Variants in UACA observed in about 807,000 individuals in gnomAD.
UACA encodes uveal autoantigen with coiled-coil domains and ankyrin repeats, also known as nuclear membrane binding protein.
Under a neutral mutation model 160.5 loss-of-function variants are expected in UACA, and 112 were observed. That is an observed-to-expected ratio of 0.70 (90% CI 0.60 to 0.82). The LOEUF (loss-of-function observed/expected upper bound fraction) is 0.82, where lower values mean the gene tolerates loss of function less well. Ranked by LOEUF, UACA falls within the 40% of genes least tolerant of loss-of-function variation. The pLI, the probability that UACA is intolerant of heterozygous loss-of-function variation, is 0.00. For synonymous variants in UACA, 557 were observed against 568.4 expected (o/e 0.98, Z 0.29); for missense variants, 1,574 against 1,614.6 (o/e 0.97, Z 0.43).
chr15:70,666,298 C>T (rs546304087), intron 16 of UACA, among the ~76,000 whole-genome samples: 3 of 152,162 alleles, frequency 2.0e-5, no homozygotes, highest in Non-Finnish European at 4.4e-5. Context: ...AGCAACAGAA[C>T]ATAAAATGAA....
chr15:70,777,222 G>A, the UACA span, among the ~76,000 whole-genome samples: 3 of 152,220 alleles, frequency 2.0e-5, no homozygotes, highest in Non-Finnish European at 4.4e-5. Flanking sequence ...GGGGAAGGCT[G>A]TGGGTGGAGA....
rs539300802 is a variant in UACA, at chr15:70,717,643, A to G, written c.79-17983T>C. ...AAGCTAATCTGCATGCTGCCTTCTC[A>G]TAAGACCTACCAGAAAGTACTCTCC... On this transcript the variant is annotated intron_variant, in intron 1 of 18. Coordinates refer to ENST00000322954, the MANE Select transcript of UACA (RefSeq NM_018003.4). 6.6e-5 allele frequency among the ~76,000 whole-genome samples: 10 copies of G among 152,336 alleles called. No individual in the cohort carries two copies. The South Asian group carries it at 8.3e-4, about 13-fold the overall frequency.
At chr15:70,715,745 A>G (rs1037266817) in intron 1 of UACA, among the ~76,000 whole-genome samples, 3 of 152,224 alleles carry the variant, frequency 2.0e-5, no homozygotes, top group African/African-American at 7.2e-5. Flanking sequence ...TATTAAAAAT[A>G]CATGGCCAAA....
intron 15 of UACA, among the ~76,000 whole-genome samples, chr15:70,670,598 G>A (rs1197317857): frequency 6.6e-6 from 1 of 151,738 alleles, no homozygotes; most frequent in East Asian, 1.9e-4. Context: ...CTCTGAAGAG[G>A]CAAGGATAGA....
intron 11 of UACA, 94 bp from the exon 12 acceptor site, chr15:70,677,234 TG>T: frequency 1.1e-6 from 1 of 950,604 alleles, no homozygotes; most frequent in Non-Finnish European, 1.6e-6. Context: ...GATTGGCAAA[TG>T]TCTTTAAGAC....
intron 1 of UACA, among the ~76,000 whole-genome samples, chr15:70,751,456 A>G (rs2030049707): frequency 6.6e-6 from 1 of 152,256 alleles, no homozygotes; most frequent in African/African-American, 2.4e-5. Context: ...CTTTTCAGTT[A>G]GCAATATAAA....
Position 70,666,750 on chromosome 15 carries a change from T to A in UACA, c.3934A>T (p.Lys1312Ter). ...TTATTATCTTTTGCTTCTATTTGTT[T>A]AGCAGATTCTTGTATTCTTCTTTGT... is the stretch of plus-strand genomic sequence containing the variant. ...ELQRRIQESA[K>*]QIEAKDNKIT... is the part of the protein sequence containing the mutation. The change falls in exon 16 of 19, where the codon AAA becomes TAA. Residue 1312 changes from lysine (K) to a stop codon, truncating the protein, a stop_gained. Transcript: ENST00000322954. LOFTEE classifies it high-confidence loss of function. 6.2e-7 allele frequency: 1 copy of A among 1,607,572 alleles called. No individual in the cohort carries two copies. Among genetic ancestry groups the A allele is most frequent in the African/African-American group, 1.3e-5 (1 of 74,486 alleles).
At chr15:70,714,699 G>A (rs1204708072) in intron 1 of UACA, among the ~76,000 whole-genome samples, 1 of 152,110 alleles carries the variant, frequency 6.6e-6, no homozygotes, top group Non-Finnish European at 1.5e-5. Context: ...GAGTCAGAAA[G>A]ACTCAGAAAC....
At chr15:70,769,578 AATT>A in the UACA span, among the ~76,000 whole-genome samples, 2 of 151,428 alleles carry the variant, frequency 1.3e-5, no homozygotes, top group African/African-American at 4.8e-5. Flanking sequence ...TATCATATAA[AATT>A]ATCAATAATA....
chr15:70,723,013 T>C (rs1471320594), intron 1 of UACA, among the ~76,000 whole-genome samples: 4 of 152,234 alleles, frequency 2.6e-5, no homozygotes, highest in African/African-American at 7.2e-5. Context: ...GGATTTGACA[T>C]CAGAAAAACC....
rs766014158 is a variant in UACA, at chr15:70,684,357, G to A, written c.692C>T (p.Ala231Val). The change falls in exon 8 of 19, where the codon GCG becomes GTG. Residue 231 changes from alanine (A) to valine (V), a missense_variant. Coordinates refer to ENST00000322954, the MANE Select transcript of UACA (RefSeq NM_018003.4). ...KNGADISLLD[A>V]LGHDSSYYAR... Reference sequence around the variant, plus strand: ...ATAGTAAGAACTATCATGGCCAAGCGCATCCAGCAAGCTTATATCAGCACC... The same window carrying A: ...ATAGTAAGAACTATCATGGCCAAGCACATCCAGCAAGCTTATATCAGCACC... 6.2e-6 allele frequency: 10 copies of A among 1,613,504 alleles called. No individual in the cohort carries two copies. The Admixed American group carries it at 6.7e-5, about 11-fold the overall frequency.
At chr15:70,726,910 T>A (rs1453957698) in intron 1 of UACA, among the ~76,000 whole-genome samples, 1 of 152,030 alleles carries the variant, frequency 6.6e-6, no homozygotes, top group East Asian at 1.9e-4. Context: ...GGGAGTCAAT[T>A]CTGTTCTGGG....
Position 70,716,085 on chromosome 15 carries a change from G to A in UACA, c.79-16425C>T, listed in dbSNP as rs115750799. Among the ~76,000 whole-genome samples, 1,481 of 152,256 alleles carry A rather than the reference G, an allele frequency of 9.7e-3. 31 individuals are homozygous for A. The highest frequency in any genetic ancestry group is 0.033 in the African/African-American group (1,374 of 41,542). On this transcript the variant is annotated intron_variant, in intron 1 of 18. Transcript: ENST00000322954. ...AGAAATGACATTTATTTCCTCATCCGTTGAATCCTTGAATCCGGCCTGGAC... is the reference window on the plus strand; with the variant it reads ...AGAAATGACATTTATTTCCTCATCCATTGAATCCTTGAATCCGGCCTGGAC...
Position 70,669,457 on chromosome 15 carries a change from A to T in UACA, c.1227T>A (p.Thr409=). ...GCATATGGGCTGGTATACCTGGGGA[A>T]GTACACTGAAAAGAAAAAAAAAAAG... The part of the protein sequence containing the change: ...GQMYMADSQC[T]SPGIPAHMQS... Residue 409 remains threonine, a synonymous_variant, in exon 16 of 19, where the codon ACT becomes ACA. Coordinates refer to ENST00000322954, the MANE Select transcript of UACA (RefSeq NM_018003.4). 1.3e-6 allele frequency: 2 copies of T among 1,553,728 alleles called. No homozygotes were observed. The highest frequency in any genetic ancestry group is 1.7e-6 in the Non-Finnish European group (2 of 1,156,498).
chr15:70,771,219 G>A, the UACA span, among the ~76,000 whole-genome samples: 10 of 152,318 alleles, frequency 6.6e-5, no homozygotes, highest in African/African-American at 2.2e-4. Context: ...TCAACCTCAG[G>A]AAGGAAGAAC....
chr15:70,686,025 G>A (rs1034178006), intron 7 of UACA, among the ~76,000 whole-genome samples: 1 of 151,752 alleles, frequency 6.6e-6, no homozygotes, highest in Admixed American at 6.6e-5. Flanking sequence ...TCCGCGCCCA[G>A]CCGTAAAATT....
At chr15:70,777,641 G>A in the UACA span, among the ~76,000 whole-genome samples, 1 of 152,202 alleles carries the variant, frequency 6.6e-6, no homozygotes, top group Non-Finnish European at 1.5e-5. Flanking sequence ...CAGTGTGCTG[G>A]GTGAGGACTG....
Position 70,695,059 on chromosome 15 carries a change from T to C in UACA, c.259A>G (p.Ile87Val), listed in dbSNP as rs199557627. 5.0e-5 allele frequency: 81 copies of C among 1,610,920 alleles called. No homozygotes were observed. The African/African-American group carries it at 9.8e-4, about 19-fold the overall frequency. The change falls in exon 3 of 19, where the codon ATC becomes GTC. Residue 87 changes from isoleucine (I) to valine (V), a missense_variant. Transcript: ENST00000322954. The part of the protein sequence containing the change: ...SKGNLECLNA[I>V]LIHGVDITTS... ...GTAATATCAACTCCATGTATAAGGA[T>C]GGCATTCAAACACTCAAGATTCCCC...
intron 7 of UACA, among the ~76,000 whole-genome samples, chr15:70,687,284 A>G (rs1180522512): frequency 6.6e-6 from 1 of 152,170 alleles, no homozygotes; most frequent in Non-Finnish European, 1.5e-5. Context: ...CAGTTCTTTG[A>G]TCCAAACATA....
Sources: allele counts gnomAD v4.1 joint callset (sites outside exome capture counted in the v4.1 genomes callset), GRCh38; gene constraint gnomAD v4.1.1; transcripts MANE v1.5; gene names NCBI Gene and HGNC (gene_info 2026-07-23, HGNC 2026-07-21).